Variants in NVL observed in about 807,000 individuals in gnomAD.
The protein encoded by NVL is nuclear VCP like.
Under a neutral mutation model 110.2 loss-of-function variants are expected in NVL, and 84 were observed. The ratio of observed to expected loss-of-function variants is 0.76; its 90% CI spans 0.64 to 0.91. The LOEUF (loss-of-function observed/expected upper bound fraction) is 0.91. Ranked by LOEUF, NVL falls within the 40% of genes least tolerant of loss-of-function variation. The pLI, the probability that NVL is intolerant of heterozygous loss-of-function variation, is 0.00. For synonymous variants in NVL, 354 were observed against 361.1 expected, an observed-to-expected ratio of 0.98 and a Z score of 0.22; for missense variants, 882 against 1,035.9, an observed-to-expected ratio of 0.85 and a Z score of 2.04.
chr1:224,292,753 C>CT lies in NVL; in HGVS notation c.1325+1513dup, dbSNP rs977238478. On this transcript the variant is annotated intron_variant, in intron 12 of 22. Transcript: ENST00000281701. ...AGTGTACCCCTTCCTCATTAAATACCTTTTTTTTTTTGAGACAGGGTTTTG... is the reference window on the plus strand; with the variant it reads ...AGTGTACCCCTTCCTCATTAAATACCTTTTTTTTTTTTGAGACAGGGTTTTG... 7.8e-3 allele frequency among the ~76,000 whole-genome samples: 1,135 copies of CT among 145,692 alleles called. 18 individuals are homozygous for CT. The highest frequency in any genetic ancestry group is 0.024 in the Admixed American group (354 of 14,614).
chr1:224,253,317 TG>T (rs1282474269), intron 18 of NVL, among the ~76,000 whole-genome samples: 1 of 150,296 alleles, frequency 6.7e-6, no homozygotes, highest in Admixed American at 6.7e-5. Flanking sequence ...CCCGAAGTGC[TG>T]GGATTACAGG....
intron 4 of NVL, among the ~76,000 whole-genome samples, chr1:224,315,248 T>A (rs1669957380): frequency 6.6e-6 from 1 of 151,950 alleles, no homozygotes; most frequent in Non-Finnish European, 1.5e-5. Context: ...AGAGACAGAG[T>A]CTTGCTGTGT....
chr1:224,298,577 C>A, intron 10 of NVL: 1 of 219,966 alleles, frequency 4.5e-6, no homozygotes, highest in South Asian at 8.2e-5. Flanking sequence ...GCTGGAGCCT[C>A]TTCCCTGTGA....
At chr1:224,265,745 G>C (rs1664442522) in intron 18 of NVL, among the ~76,000 whole-genome samples, 1 of 152,000 alleles carries the variant, frequency 6.6e-6, no homozygotes, top group African/African-American at 2.4e-5. Flanking sequence ...CAAGAGAGTG[G>C]GTAAGTTATT....
chr1:224,260,062 G>A (rs969567516), intron 18 of NVL, among the ~76,000 whole-genome samples: 1 of 152,144 alleles, frequency 6.6e-6, no homozygotes, highest in Non-Finnish European at 1.5e-5. Context: ...TAAAAGGGCA[G>A]TACTGTGCCA....
rs1671116584 is a variant in NVL, at chr1:224,326,071, G to A, written c.131+320C>T. 2.6e-5 allele frequency among the ~76,000 whole-genome samples: 4 copies of A among 152,206 alleles called. No individual in the cohort carries two copies. In the South Asian group the frequency reaches 8.3e-4, roughly 31 times the overall value. On this transcript the variant is annotated intron_variant, in intron 2 of 22. Coordinates refer to ENST00000281701, the MANE Select transcript of NVL (RefSeq NM_002533.4). ...CCCAAAGTGTTGAGATTACAGGCAT[G>A]AGCCATTATGACTGGCCCGGTTTTA... is the stretch of plus-strand genomic sequence containing the variant.
intron 19 of NVL, among the ~76,000 whole-genome samples, chr1:224,244,565 T>TTG (rs1571805756): frequency 4.1e-4 from 59 of 144,520 alleles, no homozygotes; most frequent in Middle Eastern, 4.2e-3. Flanking sequence ...TCCACCTCTC[T>TTG]GCTTCAAGTG....
At chr1:224,231,857 T>C (rs1325697429) in intron 21 of NVL, among the ~76,000 whole-genome samples, 1 of 151,020 alleles carries the variant, frequency 6.6e-6, no homozygotes, top group Non-Finnish European at 1.5e-5. Context: ...AAATCCCGTC[T>C]CTACTAAAAA....
At chr1:224,287,289 T>C (rs945326156) in intron 14 of NVL, among the ~76,000 whole-genome samples, 2 of 152,080 alleles carry the variant, frequency 1.3e-5, no homozygotes, top group Non-Finnish European at 2.9e-5. Context: ...ATGAGTATAA[T>C]GAAGAGAAGT....
Position 224,330,168 on chromosome 1 carries a change from T to C in NVL, c.-41A>G, listed in dbSNP as rs1553341140. 2.9e-5 allele frequency: 47 copies of C among 1,607,930 alleles called. 1 individual carries two copies. In the South Asian group the frequency reaches 4.1e-4, roughly 14 times the overall value. On this transcript the variant is annotated 5_prime_UTR_variant, in exon 1 of 23. Transcript: ENST00000281701. The stretch of plus-strand genomic sequence containing the variant: ...AGCCACAGCTCGGACCGCCAGCTCC[T>C]AGTCAACCGGGGGCCTCGTAGGGGT...
intron 2 of NVL, among the ~76,000 whole-genome samples, chr1:224,318,988 CAAA>C (rs35766183): frequency 2.1e-5 from 2 of 94,532 alleles, no homozygotes; most frequent in Non-Finnish European, 2.2e-5. Context: ...GACTCCGTCT[CAAA>C]AAAAAAAAAA....
chr1:224,279,018 C>T (rs1410022928), intron 16 of NVL, among the ~76,000 whole-genome samples: 2 of 152,122 alleles, frequency 1.3e-5, no homozygotes, highest in Non-Finnish European at 2.9e-5. Flanking sequence ...AGCCACTGTG[C>T]CCAGCCAATA....
chr1:224,318,431 T>C (rs948933964), intron 2 of NVL, among the ~76,000 whole-genome samples: 1 of 151,594 alleles, frequency 6.6e-6, no homozygotes, highest in Non-Finnish European at 1.5e-5. Flanking sequence ...AGGGAAACCC[T>C]ATCCCTACAA....
intron 11 of NVL, among the ~76,000 whole-genome samples, chr1:224,295,977 A>AAAAAAAAG (rs1667844598): frequency 6.6e-6 from 1 of 151,106 alleles, no homozygotes; most frequent in Non-Finnish European, 1.5e-5. Context: ...AAAAAAAAAA[A>AAAAAAAAG]AAAAAAAGCC....
chr1:224,258,008 C>A (rs1663487287), intron 18 of NVL, among the ~76,000 whole-genome samples: 1 of 152,114 alleles, frequency 6.6e-6, no homozygotes, highest in African/African-American at 2.4e-5. Flanking sequence ...GATTTTTACA[C>A]CATTGATAAC....
At chr1:224,265,297 G>A (rs1397312299) in intron 18 of NVL, among the ~76,000 whole-genome samples, 2 of 151,890 alleles carry the variant, frequency 1.3e-5, no homozygotes, top group Admixed American at 6.6e-5. Flanking sequence ...CTGAGGTCAG[G>A]AGCCGAGACC....
At chr1:224,313,463 A>G (rs1001383190) in intron 4 of NVL, among the ~76,000 whole-genome samples, 2 of 152,148 alleles carry the variant, frequency 1.3e-5, no homozygotes, top group Non-Finnish European at 2.9e-5. Flanking sequence ...TTGACTACAT[A>G]AAAATGCAAA....
intron 6 of NVL, chr1:224,305,483 G>T: frequency 6.0e-6 from 1 of 167,804 alleles, no homozygotes; most frequent in Non-Finnish European, 1.2e-5. Context: ...CCCATATGGG[G>T]AAAAAAAAAA....
chr1:224,241,439 T>C (rs1661181414), intron 19 of NVL, among the ~76,000 whole-genome samples: 1 of 152,162 alleles, frequency 6.6e-6, no homozygotes, highest in African/African-American at 2.4e-5. Context: ...TATGACATTA[T>C]CTCTATTACG....
Sources: allele counts gnomAD v4.1 joint callset (sites outside exome capture counted in the v4.1 genomes callset), GRCh38; gene constraint gnomAD v4.1.1; transcripts MANE v1.5; gene names NCBI Gene and HGNC (gene_info 2026-07-23, HGNC 2026-07-21).